Variants in ADAMTS17 observed in about 807,000 individuals in gnomAD.
ADAMTS17 encodes the protein A disintegrin and metalloproteinase with thrombospondin motifs 17.
ADAMTS17 carries 113 observed loss-of-function variants against 141.5 expected under a neutral mutation model. That is an observed-to-expected ratio of 0.80 (90% confidence interval 0.69 to 0.93). The LOEUF (loss-of-function observed/expected upper bound fraction) is 0.93, where lower values mean the gene tolerates loss of function less well. Ranked by LOEUF, ADAMTS17 falls within the 40% of genes least tolerant of loss-of-function variation. The pLI is 0.00. For missense variants in ADAMTS17, 1,659 were observed against 1,517.9 expected, an observed-to-expected ratio of 1.09 and a Z score of -1.54; for synonymous variants, 768 against 630.6, an observed-to-expected ratio of 1.22 and a Z score of -3.27.
At chr15:100,341,683 G>C in intron 1 of ADAMTS17, 138 bp downstream of exon 1, 2 of 1,151,684 alleles carry the variant, frequency 1.7e-6, no homozygotes, top group Non-Finnish European at 2.3e-6. Context: ...CCGTACTCCG[G>C]CCGCGGCCCG....
At chr15:100,248,223 ATAG>A (rs1372769612) in intron 7 of ADAMTS17, among the ~76,000 whole-genome samples, 1 of 152,200 alleles carries the variant, frequency 6.6e-6, no homozygotes, top group East Asian at 1.9e-4. Context: ...TAATTAAAAA[ATAG>A]TAGGAGACCA....
At chr15:100,335,982 A>C (rs1014928182) in intron 2 of ADAMTS17, among the ~76,000 whole-genome samples, 1 of 152,228 alleles carries the variant, frequency 6.6e-6, no homozygotes, top group African/African-American at 2.4e-5. Flanking sequence ...TGCAAAAAAC[A>C]TCTTCCCCAT....
At chr15:100,158,400 A>G (rs1329169224) in intron 8 of ADAMTS17, among the ~76,000 whole-genome samples, 13 of 152,236 alleles carry the variant, frequency 8.5e-5, no homozygotes, top group Admixed American at 7.2e-4. Flanking sequence ...TTTCACTCTC[A>G]GTATGAATTC....
chr15:100,210,407 G>A (rs1398969601), intron 7 of ADAMTS17, among the ~76,000 whole-genome samples: 1 of 152,112 alleles, frequency 6.6e-6, no homozygotes, highest in Non-Finnish European at 1.5e-5. Flanking sequence ...ACCACTTGGT[G>A]AGGTACATAT....
chr15:100,261,276 C>T (rs910306218), intron 6 of ADAMTS17, among the ~76,000 whole-genome samples: 1 of 152,222 alleles, frequency 6.6e-6, no homozygotes, highest in Admixed American at 6.5e-5. Flanking sequence ...AAGAGGGACA[C>T]AGCTACATGC....
chr15:100,004,617 CT>C (rs10591279), intron 18 of ADAMTS17, among the ~76,000 whole-genome samples: 2,542 of 116,188 alleles, frequency 0.022, 16 homozygotes, highest in African/African-American at 0.06. Flanking sequence ...TACTGTAATT[CT>C]TTTTTTTTTT....
intron 3 of ADAMTS17, among the ~76,000 whole-genome samples, chr15:100,322,570 C>T (rs1415453448): frequency 1.3e-5 from 2 of 152,104 alleles, no homozygotes; most frequent in African/African-American, 4.8e-5. Flanking sequence ...GAAAATGTGA[C>T]CCCTTTTTAA....
chr15:100,250,695 A>T (rs1362691067), intron 7 of ADAMTS17, among the ~76,000 whole-genome samples: 1 of 152,104 alleles, frequency 6.6e-6, no homozygotes, highest in African/African-American at 2.4e-5. Context: ...ATACCAACAA[A>T]TGAGTGCATG....
At chr15:100,015,829 T>C (rs1436605903) in intron 18 of ADAMTS17, among the ~76,000 whole-genome samples, 1 of 152,264 alleles carries the variant, frequency 6.6e-6, no homozygotes, top group East Asian at 1.9e-4. Context: ...TTAGATTACC[T>C]GATGACAATG....
chr15:100,245,204 A>G (rs1165082944), intron 7 of ADAMTS17, among the ~76,000 whole-genome samples: 2 of 152,218 alleles, frequency 1.3e-5, no homozygotes, highest in African/African-American at 4.8e-5. Flanking sequence ...TATCTTGTGC[A>G]GGTTTGCAGC....
At chr15:100,206,356 G>A (rs2041560254) in intron 7 of ADAMTS17, among the ~76,000 whole-genome samples, 1 of 152,214 alleles carries the variant, frequency 6.6e-6, no homozygotes, top group African/African-American at 2.4e-5. Context: ...ACATGGGCAT[G>A]CCCAGGACAC....
At chr15:100,012,893 T>C (rs1479957721) in intron 18 of ADAMTS17, among the ~76,000 whole-genome samples, 2 of 152,230 alleles carry the variant, frequency 1.3e-5, no homozygotes, top group Non-Finnish European at 2.9e-5. Flanking sequence ...ATATGAATTT[T>C]AGAATTGTTT....
chr15:100,018,200 A>G (rs1295449240), intron 18 of ADAMTS17, among the ~76,000 whole-genome samples: 4 of 151,580 alleles, frequency 2.6e-5, no homozygotes, highest in Non-Finnish European at 5.9e-5. Context: ...CACTTAGCGT[A>G]ATGTCCTCAA....
intron 13 of ADAMTS17, among the ~76,000 whole-genome samples, chr15:100,116,375 C>T (rs1173943148): frequency 6.6e-6 from 1 of 152,180 alleles, no homozygotes; most frequent in African/African-American, 2.4e-5. Flanking sequence ...AAGTTGCAAA[C>T]TATTCTCAAA....
At chr15:100,226,522 C>T (rs946601888) in intron 7 of ADAMTS17, among the ~76,000 whole-genome samples, 21 of 152,240 alleles carry the variant, frequency 1.4e-4, no homozygotes, top group African/African-American at 3.1e-4. Context: ...AAACTGAACT[C>T]GTGATATGGA....
intron 18 of ADAMTS17, among the ~76,000 whole-genome samples, chr15:100,013,520 T>C (rs1408367726): frequency 6.6e-5 from 10 of 152,342 alleles, no homozygotes; most frequent in East Asian, 5.8e-4. Context: ...GGCTGTGGGT[T>C]TGTCATAGAT....
At chr15:100,159,958 C>G (rs1459594995) in intron 8 of ADAMTS17, among the ~76,000 whole-genome samples, 2 of 152,196 alleles carry the variant, frequency 1.3e-5, no homozygotes, top group Non-Finnish European at 2.9e-5. Flanking sequence ...GAGCTGCGTT[C>G]TGGGGAAAAT....
At chr15:100,253,891 T>C (rs566857514) in intron 7 of ADAMTS17, among the ~76,000 whole-genome samples, 1 of 152,258 alleles carries the variant, frequency 6.6e-6, no homozygotes, top group South Asian at 2.1e-4. Flanking sequence ...CTGGTGGCTT[T>C]TCCCCTTGGT....
intron 4 of ADAMTS17, among the ~76,000 whole-genome samples, chr15:100,275,806 C>G (rs989387303): frequency 6.6e-6 from 1 of 151,510 alleles, no homozygotes; most frequent in Non-Finnish European, 1.5e-5. Context: ...TCTAATACAT[C>G]AAAACCATGA....
Sources: gnomAD v4.1 joint callset for allele counts (sites outside exome capture counted in the v4.1 genomes callset) on GRCh38, gnomAD v4.1.1 for gene constraint, MANE v1.5 for transcripts, NCBI Gene and HGNC (gene_info 2026-07-23, HGNC 2026-07-21) for gene names.